ARHGAP15: variants seen among roughly 807,000 people sequenced by gnomAD.
ARHGAP15 encodes the protein Rho GTPase activating protein 15, also known as rho GTPase-activating protein 15.
In ARHGAP15, 51 loss-of-function variants were observed where a neutral mutation model predicts 63.7. The observed-to-expected ratio is 0.80, with a 90% CI of 0.64 to 1.01. The LOEUF is 1.01. ARHGAP15 is among the 50% of genes least tolerant of loss of function. The probability of loss-of-function intolerance (pLI) is 0.00; values close to 1 mark genes in which losing one functional copy is unlikely to be tolerated. For synonymous variants in ARHGAP15, 191 were observed against 193.8 expected (o/e 0.99, Z 0.12); for missense variants, 560 against 564.6 (o/e 0.99, Z 0.08).
Position 143,536,542 on chromosome 2 carries a change from G to A in ARHGAP15, c.925+17178G>A, listed in dbSNP as rs187559722. 3.3e-3 allele frequency among the ~76,000 whole-genome samples: 380 copies of A among 116,458 alleles called. 2 individuals carry two copies. The highest frequency in any genetic ancestry group is 0.011 in the East Asian group (45 of 4,128). 76.4% of individuals were successfully genotyped at this position (116,458 alleles called of 152,430 possible). On this transcript the variant is annotated intron_variant, in intron 10 of 13. Transcript: ENST00000295095. ...TCCCCCCTCCCCCCACCCCACAACC[G>A]TCCCCGGTGTGTGATGTTCCCCTTC...
intron 11 of ARHGAP15, among the ~76,000 whole-genome samples, chr2:143,610,960 C>G (rs1364044777): frequency 6.6e-6 from 1 of 152,126 alleles, no homozygotes; most frequent in Non-Finnish European, 1.5e-5. Context: ...AACTCCTCAC[C>G]TCAAGTGATC....
chr2:143,399,660 G>T (rs1687915410), intron 6 of ARHGAP15, among the ~76,000 whole-genome samples: 2 of 151,896 alleles, frequency 1.3e-5, no homozygotes, highest in Non-Finnish European at 2.9e-5. Flanking sequence ...TGGGAAAAAA[G>T]CCTCTTAAAA....
chr2:143,178,257 T>C (rs1425349858), intron 2 of ARHGAP15, among the ~76,000 whole-genome samples: 3 of 152,334 alleles, frequency 2.0e-5, no homozygotes, highest in Non-Finnish European at 2.9e-5. Context: ...AGAGACTATA[T>C]ATTATTTTCA....
chr2:143,685,096 A>G (rs1683270207), intron 12 of ARHGAP15, among the ~76,000 whole-genome samples: 1 of 152,204 alleles, frequency 6.6e-6, no homozygotes, highest in Non-Finnish European at 1.5e-5. Flanking sequence ...TCTGTTGTTG[A>G]CAGACAACTA....
chr2:143,516,356 C>T (rs1411312174), intron 9 of ARHGAP15, among the ~76,000 whole-genome samples: 1 of 152,170 alleles, frequency 6.6e-6, no homozygotes, highest in East Asian at 1.9e-4. Context: ...AAAACAATTT[C>T]TCCAAACACA....
At chr2:143,403,671 C>T (rs1209059346) in intron 6 of ARHGAP15, among the ~76,000 whole-genome samples, 2 of 151,720 alleles carry the variant, frequency 1.3e-5, no homozygotes, top group Non-Finnish European at 2.9e-5. Flanking sequence ...TGAAAACAGA[C>T]CAGAAAAAGA....
At chr2:143,760,245 C>CA (rs1005974518) in intron 13 of ARHGAP15, among the ~76,000 whole-genome samples, 3 of 151,826 alleles carry the variant, frequency 2.0e-5, no homozygotes, top group African/African-American at 4.8e-5. Context: ...CGTTTATCAT[C>CA]AAAAAAAGAA....
At chr2:143,141,111 G>C (rs889066875) in intron 1 of ARHGAP15, among the ~76,000 whole-genome samples, 2 of 152,082 alleles carry the variant, frequency 1.3e-5, no homozygotes, top group Non-Finnish European at 2.9e-5. Flanking sequence ...ATGATGAGCT[G>C]TATGGTGCAT....
chr2:143,538,751 G>A (rs1435645781), intron 10 of ARHGAP15, among the ~76,000 whole-genome samples: 1 of 152,158 alleles, frequency 6.6e-6, no homozygotes, highest in Non-Finnish European at 1.5e-5. Context: ...TGGTGAATAA[G>A]CTTTTTGATG....
chr2:143,323,912 A>C (rs1684136291), intron 6 of ARHGAP15, among the ~76,000 whole-genome samples: 1 of 150,610 alleles, frequency 6.6e-6, no homozygotes, highest in Non-Finnish European at 1.5e-5. Flanking sequence ...AAAAAAAAAA[A>C]AAAAAAAAAA....
At chr2:143,387,501 T>TTG (rs1275628337) in intron 6 of ARHGAP15, among the ~76,000 whole-genome samples, 1 of 152,156 alleles carries the variant, frequency 6.6e-6, no homozygotes, top group Admixed American at 6.5e-5. Context: ...CCAGGCCCTG[T>TTG]TGTATACTCT....
chr2:143,692,263 A>G (rs1410723808), intron 12 of ARHGAP15, among the ~76,000 whole-genome samples: 2 of 152,220 alleles, frequency 1.3e-5, no homozygotes, highest in Admixed American at 6.5e-5. Flanking sequence ...ATTTGGTTGC[A>G]TCAGGAATTT....
intron 8 of ARHGAP15, among the ~76,000 whole-genome samples, chr2:143,469,220 T>C (rs1691397196): frequency 6.6e-6 from 1 of 151,954 alleles, no homozygotes; most frequent in Non-Finnish European, 1.5e-5. Flanking sequence ...TATTTTAAAG[T>C]CTGGGTATAA....
intron 6 of ARHGAP15, among the ~76,000 whole-genome samples, chr2:143,308,077 T>G (rs1421366547): frequency 6.6e-6 from 1 of 152,178 alleles, no homozygotes; most frequent in Non-Finnish European, 1.5e-5. Flanking sequence ...AGCAATTTTT[T>G]GAAAAATCCT....
chr2:143,487,946 G>A (rs1692401787), intron 9 of ARHGAP15, among the ~76,000 whole-genome samples: 1 of 152,206 alleles, frequency 6.6e-6, no homozygotes, highest in Admixed American at 6.5e-5. Context: ...TAAGTGCTAG[G>A]AAGAAAGTCT....
chr2:143,233,355 T>A (rs1031804577), intron 5 of ARHGAP15, among the ~76,000 whole-genome samples: 10 of 152,116 alleles, frequency 6.6e-5, no homozygotes, highest in Admixed American at 6.6e-5. Context: ...CCTAGAAATA[T>A]ATATTCTCTT....
chr2:143,630,478 CCT>C (rs961655201), intron 12 of ARHGAP15, among the ~76,000 whole-genome samples: 38 of 152,118 alleles, frequency 2.5e-4, no homozygotes, highest in African/African-American at 9.1e-4. Context: ...CATCATATCC[CCT>C]GACCTACTCG....
At chr2:143,595,523 C>T (rs998635260) in intron 11 of ARHGAP15, among the ~76,000 whole-genome samples, 1 of 152,116 alleles carries the variant, frequency 6.6e-6, no homozygotes, top group Non-Finnish European at 1.5e-5. Flanking sequence ...TTGTTGGTTT[C>T]TTCCTCCTCC....
intron 12 of ARHGAP15, among the ~76,000 whole-genome samples, chr2:143,654,377 A>G (rs955722075): frequency 1.3e-5 from 2 of 152,174 alleles, no homozygotes; most frequent in African/African-American, 4.8e-5. Context: ...CTTACTCAAA[A>G]AGGAGTTGAG....
Sources: gnomAD v4.1 joint callset for allele counts (sites outside exome capture counted in the v4.1 genomes callset) on GRCh38, gnomAD v4.1.1 for gene constraint, MANE v1.5 for transcripts, NCBI Gene and HGNC (gene_info 2026-07-23, HGNC 2026-07-21) for gene names.